FERRY3: variants seen among roughly 807,000 people sequenced by gnomAD.
The protein encoded by FERRY3 is FERRY endosomal RAB5 effector complex subunit 3, also known as protein C12orf4.
the FERRY3 span, among the ~76,000 whole-genome samples, chr12:4,534,634 C>G: frequency 6.6e-6 from 1 of 152,140 alleles, no homozygotes; most frequent in African/African-American, 2.4e-5. Flanking sequence ...AACTCGTCAG[C>G]TCAAGTGATT....
chr12:4,501,381 G>T, the FERRY3 span, among the ~76,000 whole-genome samples: 2 of 152,042 alleles, frequency 1.3e-5, no homozygotes, highest in Admixed American at 6.6e-5. Flanking sequence ...CTAGAACAAG[G>T]GTCCCTCATG....
At chr12:4,511,912 A>G in the FERRY3 span, among the ~76,000 whole-genome samples, 5 of 99,368 alleles carry the variant, frequency 5.0e-5, no homozygotes, top group Admixed American at 2.1e-4. Context: ...AAGGAAATAG[A>G]GACACAAAAA....
chr12:4,514,966 A>G, the FERRY3 span, among the ~76,000 whole-genome samples: 21 of 152,084 alleles, frequency 1.4e-4, no homozygotes, highest in Admixed American at 1.4e-3. Flanking sequence ...AAAGAAACCA[A>G]TATACTTAAT....
the FERRY3 span, chr12:4,529,758 G>GT: frequency 3.3e-3 from 2,932 of 896,136 alleles, no homozygotes; most frequent in Non-Finnish European, 3.8e-3. Context: ...TAATATTGAA[G>GT]TTTTTTTTTC....
At chr12:4,535,313 C>T in the FERRY3 span, among the ~76,000 whole-genome samples, 2 of 152,286 alleles carry the variant, frequency 1.3e-5, no homozygotes, top group East Asian at 3.9e-4. This position sits in a 1 kb window ranked among gnomAD's most constrained non-coding sequence, Gnocchi z 4.0. Context: ...GGGATGCAGC[C>T]CGAGAATTTG....
the FERRY3 span, among the ~76,000 whole-genome samples, chr12:4,528,539 A>C: frequency 5.0e-3 from 754 of 152,280 alleles, 12 homozygotes; most frequent in African/African-American, 0.017. Context: ...CCAAACCTAT[A>C]AACAGTGACA....
At chr12:4,527,546 A>G in the FERRY3 span, among the ~76,000 whole-genome samples, 1 of 152,138 alleles carries the variant, frequency 6.6e-6, no homozygotes, top group Non-Finnish European at 1.5e-5. Flanking sequence ...AAAGATGTAC[A>G]ATGGCATTAA....
the FERRY3 span, among the ~76,000 whole-genome samples, chr12:4,523,935 G>A: frequency 1.3e-5 from 2 of 151,788 alleles, no homozygotes; most frequent in African/African-American, 4.8e-5. Context: ...TTGTGCACAT[G>A]TACCCTAGAA....
the FERRY3 span, chr12:4,535,866 T>C: frequency 3.9e-6 from 2 of 510,770 alleles, no homozygotes; most frequent in South Asian, 1.0e-4. The surrounding 1 kb of genome is among the most constrained non-coding windows in gnomAD (Gnocchi z 4.0). Flanking sequence ...AAAAGAAAGC[T>C]CTGGAGAAAT....
At chr12:4,506,469 C>T in the FERRY3 span, among the ~76,000 whole-genome samples, 1 of 152,102 alleles carries the variant, frequency 6.6e-6, no homozygotes, top group Non-Finnish European at 1.5e-5. Context: ...GGCTTTGATG[C>T]TAGAATCCAT....
chr12:4,518,288 T>TA, the FERRY3 span: 1 of 1,591,358 alleles, frequency 6.3e-7, no homozygotes, highest in Non-Finnish European at 8.6e-7. Context: ...GAAAGATACT[T>TA]AAGCAGCTAC....
At chr12:4,488,005 T>A in the FERRY3 span, 1 of 152,204 alleles carries the variant, frequency 6.6e-6, no homozygotes, top group African/African-American at 2.4e-5. The surrounding 1 kb of genome is among the most constrained non-coding windows in gnomAD (Gnocchi z 4.9). Flanking sequence ...GTGCATATAA[T>A]TAGCTTTTTA....
the FERRY3 span, among the ~76,000 whole-genome samples, chr12:4,522,476 A>G: frequency 6.6e-6 from 1 of 152,246 alleles, no homozygotes; most frequent in African/African-American, 2.4e-5. Flanking sequence ...ATTACGAGCT[A>G]TCACTGCAAA....
the FERRY3 span, chr12:4,535,975 A>G: frequency 7.0e-7 from 1 of 1,438,040 alleles, no homozygotes; most frequent in Non-Finnish European, 9.2e-7. The surrounding 1 kb of genome is among the most constrained non-coding windows in gnomAD (Gnocchi z 4.0). Context: ...GACTATTGAA[A>G]CTAATAAAGT....
At chr12:4,512,588 A>T in the FERRY3 span, among the ~76,000 whole-genome samples, 1 of 151,758 alleles carries the variant, frequency 6.6e-6, no homozygotes, top group South Asian at 2.1e-4. Context: ...GATTCAATAT[A>T]CGCAAATCAA....
chr12:4,504,224 G>A, the FERRY3 span, among the ~76,000 whole-genome samples: 2 of 152,224 alleles, frequency 1.3e-5, no homozygotes, highest in African/African-American at 2.4e-5. Flanking sequence ...GCGGTTTCGT[G>A]TGTAGGTTAA....
chr12:4,498,715 T>C, the FERRY3 span, among the ~76,000 whole-genome samples: 1 of 152,118 alleles, frequency 6.6e-6, no homozygotes, highest in African/African-American at 2.4e-5. Flanking sequence ...CGGAAGTCAA[T>C]TTTTCCACAG....
At chr12:4,490,640 C>T in the FERRY3 span, 7 of 1,394,868 alleles carry the variant, frequency 5.0e-6, no homozygotes, top group East Asian at 2.3e-5. Context: ...GCCTTCAAAC[C>T]TACCAGTCAC....
the FERRY3 span, chr12:4,536,196 T>C: frequency 1.3e-6 from 2 of 1,556,562 alleles, no homozygotes; most frequent in Non-Finnish European, 1.7e-6. Context: ...TTTCTTCATA[T>C]TCTTTGACAG....
Sources: allele counts gnomAD v4.1 joint callset (sites outside exome capture counted in the v4.1 genomes callset), GRCh38; gene constraint gnomAD v4.1.1; non-coding constraint Gnocchi (gnomAD v3.1); transcripts MANE v1.5; gene names NCBI Gene and HGNC (gene_info 2026-07-23, HGNC 2026-07-21).